Variants in SIK3 observed in about 807,000 individuals in gnomAD.
The protein encoded by SIK3 is SIK family kinase 3.
In SIK3, 28 loss-of-function variants were observed where a neutral mutation model predicts 144.2. That is an observed-to-expected ratio of 0.19 (90% CI 0.14 to 0.27). SIK3 has a LOEUF of 0.27. Among genes scored for constraint, SIK3 ranks in the 10% least tolerant of loss-of-function variants. SIK3 has a pLI of 1.00. For missense variants in SIK3, 1,319 were observed against 1,776.0 expected (o/e 0.74, Z 4.62); for synonymous variants, 686 against 676.3 (o/e 1.01, Z -0.22).
intron 1 of SIK3, among the ~76,000 whole-genome samples, chr11:117,076,300 A>C (rs1489705931): frequency 6.6e-6 from 1 of 152,078 alleles, no homozygotes; most frequent in Non-Finnish European, 1.5e-5. Flanking sequence ...TCTCCCTCTT[A>C]ATCACTCAAG....
At chr11:117,012,897 G>A (rs1951324131) in intron 1 of SIK3, among the ~76,000 whole-genome samples, 1 of 134,110 alleles carries the variant, frequency 7.5e-6, no homozygotes, top group African/African-American at 3.0e-5. Flanking sequence ...TGTTGCCCAG[G>A]CTGGAGTGCA....
rs1244872040 is a variant in SIK3 at position 116,844,630 on chromosome 11, ATATAT to A, written c.*1008_*1012del. ...ATATTATATATATAATATATATATAATATATTATATTATATATTATATATATAATA... is the reference window on the plus strand; with the variant it reads ...ATATTATATATATAATATATATATAATATATTATATATTATATATATAATA... On this transcript the variant is annotated 3_prime_UTR_variant, in exon 25 of 25. Transcript: ENST00000445177. 6.3e-4 allele frequency: 22 copies of A among 34,850 alleles called. No individual in the cohort carries two copies. The highest frequency in any genetic ancestry group is 2.2e-3 in the African/African-American group (7 of 3,206). 2.2% of individuals were successfully genotyped at this position (34,850 alleles called of 1,614,324 possible). A position where few individuals can be genotyped will look rare whatever the true frequency, so the allele number is the denominator to read the frequency against.
chr11:117,092,242 T>C (rs1350964455), intron 1 of SIK3, among the ~76,000 whole-genome samples: 1 of 152,166 alleles, frequency 6.6e-6, no homozygotes, highest in Non-Finnish European at 1.5e-5. Context: ...CTTCCACTTG[T>C]TTGCTAAGGT....
At chr11:117,059,958 T>C (rs1190697779) in intron 1 of SIK3, among the ~76,000 whole-genome samples, 1 of 152,226 alleles carries the variant, frequency 6.6e-6, no homozygotes, top group African/African-American at 2.4e-5. Flanking sequence ...TCTAGAAAAC[T>C]AAACATTCTC....
chr11:116,955,123 C>A (rs1051375202), intron 2 of SIK3, among the ~76,000 whole-genome samples: 4 of 152,140 alleles, frequency 2.6e-5, no homozygotes, highest in Non-Finnish European at 4.4e-5. Context: ...TCCGGCCAGG[C>A]GCAGTGGCTC....
intron 1 of SIK3, among the ~76,000 whole-genome samples, chr11:117,072,684 T>C (rs1954334339): frequency 6.6e-6 from 1 of 152,282 alleles, no homozygotes; most frequent in South Asian, 2.1e-4. Flanking sequence ...TGTAATCAAA[T>C]GGCTGAGGCT....
intron 4 of SIK3, among the ~76,000 whole-genome samples, chr11:116,916,791 T>G: frequency 6.7e-6 from 1 of 148,310 alleles, no homozygotes; most frequent in African/African-American, 2.5e-5. Context: ...ATTACAGGTG[T>G]GAGCCAAAAA....
intron 3 of SIK3, among the ~76,000 whole-genome samples, chr11:116,937,943 G>A (rs1417350829): frequency 6.6e-6 from 1 of 151,966 alleles, no homozygotes; most frequent in Admixed American, 6.6e-5. Flanking sequence ...GGTGGCTCAC[G>A]CCTGTAATCC....
chr11:117,042,992 G>A (rs1248790895), intron 1 of SIK3, among the ~76,000 whole-genome samples: 1 of 152,148 alleles, frequency 6.6e-6, no homozygotes, highest in Non-Finnish European at 1.5e-5. Flanking sequence ...AAAAGCTACT[G>A]TCAGCAAGCT....
intron 1 of SIK3, among the ~76,000 whole-genome samples, chr11:117,006,824 A>G (rs898323746): frequency 8.5e-5 from 13 of 152,198 alleles, no homozygotes; most frequent in African/African-American, 2.7e-4. Context: ...TTTTTCTCCC[A>G]TAATGAAAAT....
chr11:116,946,297 C>T lies in SIK3; in HGVS notation c.454+7747G>A, dbSNP rs528980442. 7.9e-5 allele frequency among the ~76,000 whole-genome samples: 12 copies of T among 152,322 alleles called. No individual in the cohort carries two copies. In the South Asian group the frequency reaches 2.3e-3, roughly 29 times the overall value. Reference sequence around the variant, plus strand: ...CCATTTCTGCAAGCTAATAACTCAACCTGCCACAATTACATGGGTGATGGC... The same window carrying T: ...CCATTTCTGCAAGCTAATAACTCAATCTGCCACAATTACATGGGTGATGGC... On this transcript the variant is annotated intron_variant, in intron 3 of 24. Transcript: ENST00000445177.
In SIK3 at chr11:116,862,296, C is replaced by T; in HGVS notation, c.2135G>A (p.Gly712Glu). 2 of 1,614,104 alleles carry T rather than the reference C, an allele frequency of 1.2e-6. No homozygotes were observed. Among genetic ancestry groups the T allele is most frequent in the Non-Finnish European group, 1.7e-6 (2 of 1,180,024 alleles). The change falls in exon 17 of 25, where the codon GGG (glycine) becomes GAG (glutamate). Residue 712 changes from glycine to glutamate, a missense_variant. Physicochemically the swap from Gly to Glu is moderately conservative, Grantham distance 98. Around this residue, in one of 8 missense-constraint regions of SIK3, gnomAD observed 77 missense variants for 141.9 expected, o/e 0.54. Transcript: ENST00000445177. ...ECEQLQKMYG[G>E]QIDERTLEKT... ...CTCCAGGGTTCTTTCATCAATCTGCCCCCCGTACATCTTCTGCAGCTGCTC... is the reference window on the plus strand; with the variant it reads ...CTCCAGGGTTCTTTCATCAATCTGCTCCCCGTACATCTTCTGCAGCTGCTC...
intron 1 of SIK3, among the ~76,000 whole-genome samples, chr11:117,009,156 C>T (rs1191469868): frequency 6.6e-6 from 1 of 151,450 alleles, no homozygotes; most frequent in African/African-American, 2.4e-5. Flanking sequence ...ATCACTTGAA[C>T]CCAGGAGGCA....
chr11:116,932,942 A>G (rs540621531), intron 3 of SIK3, among the ~76,000 whole-genome samples: 3 of 151,698 alleles, frequency 2.0e-5, no homozygotes, highest in African/African-American at 7.3e-5. Flanking sequence ...CACCATGCCT[A>G]GCTAATTATT....
intron 3 of SIK3, among the ~76,000 whole-genome samples, chr11:116,949,749 C>T (rs1334942254): frequency 6.6e-6 from 1 of 152,210 alleles, no homozygotes; most frequent in African/African-American, 2.4e-5. Context: ...TCTCAAATGT[C>T]CTTTACCACA....
intron 1 of SIK3, among the ~76,000 whole-genome samples, chr11:117,046,554 A>G (rs1952974739): frequency 6.6e-6 from 1 of 152,178 alleles, no homozygotes; most frequent in Admixed American, 6.5e-5. Context: ...ACCTAAAAAC[A>G]CTATTATATT....
At chr11:117,076,445 A>C (rs916881745) in intron 1 of SIK3, among the ~76,000 whole-genome samples, 5 of 152,188 alleles carry the variant, frequency 3.3e-5, no homozygotes, top group Non-Finnish European at 7.4e-5. Context: ...ATTCTTCCGA[A>C]ACCTTTCAGA....
intron 1 of SIK3, among the ~76,000 whole-genome samples, chr11:117,091,189 GTTTTTTTTTTCTTTTTTTTTT>G (rs1955228149): frequency 8.0e-6 from 1 of 124,988 alleles, no homozygotes; most frequent in South Asian, 2.4e-4. Context: ...AAATCCTGAG[GTTTTTTTTTTCTTTTTTTTTT>G]TTTTTTTTTT....
At chr11:117,018,373 G>A (rs1186165546) in intron 1 of SIK3, among the ~76,000 whole-genome samples, 1 of 152,304 alleles carries the variant, frequency 6.6e-6, no homozygotes, top group East Asian at 1.9e-4. Context: ...GCTCAAACCT[G>A]TGTTGTGCAG....
Sources: allele counts gnomAD v4.1 joint callset (sites outside exome capture counted in the v4.1 genomes callset), GRCh38; gene constraint gnomAD v4.1.1; regional missense constraint gnomAD v4.1.1; transcripts MANE v1.5; gene names NCBI Gene and HGNC (gene_info 2026-07-23, HGNC 2026-07-21).